Variants in ODC1 observed in about 807,000 individuals in gnomAD.
ODC1 encodes the protein ornithine decarboxylase.
A neutral mutation model predicts 41.5 loss-of-function variants in ODC1; 18 were observed. The ratio of observed to expected loss-of-function variants is 0.43; its 90% confidence interval spans 0.30 to 0.64. The LOEUF (loss-of-function observed/expected upper bound fraction) is 0.64, where lower values mean the gene tolerates loss of function less well. ODC1 is among the 30% of genes least tolerant of loss of function. The pLI is 0.11. For missense variants in ODC1, 504 were observed against 589.0 expected, an observed-to-expected ratio of 0.86 and a Z score of 1.49; for synonymous variants, 218 against 211.6, an observed-to-expected ratio of 1.03 and a Z score of -0.26.
Position 10,444,533 on chromosome 2 carries a change from T to C in ODC1, c.217A>G (p.Ser73Gly). ...GCAAGGGTCTTCACGATGGCTTTGC[T>C]ATCATTACATTTGACTGCATAAAAG... ...TPFYAVKCND[S>G]KAIVKTLAAT... The change falls in exon 4 of 12, where the codon AGC becomes GGC. Residue 73 changes from serine (S) to glycine (G), a missense_variant. Ser to Gly is a moderately conservative substitution (Grantham distance 56, BLOSUM62 0). Around this residue, in one of 3 missense-constraint regions of ODC1, gnomAD observed 447 missense variants for 524.4 expected, o/e 0.85. Coordinates refer to ENST00000234111, the MANE Select transcript of ODC1 (RefSeq NM_002539.3). The C allele has an allele frequency of 6.2e-7, 1 of 1,614,038 alleles. No homozygotes were observed. The highest frequency in any genetic ancestry group is 8.5e-7 in the Non-Finnish European group (1 of 1,179,986).
chr2:10,447,785 C>G (rs1466532970), intron 1 of ODC1: 1 of 152,326 alleles, frequency 6.6e-6, no homozygotes, highest in East Asian at 1.9e-4. Flanking sequence ...GCCAGGGCCT[C>G]CCCAACGGCT....
chr2:10,444,784 A>G, intron 3 of ODC1, 137 bp from the exon 4 acceptor site: 1 of 823,972 alleles, frequency 1.2e-6, no homozygotes, highest in South Asian at 1.7e-5. Context: ...TATCACCATT[A>G]TCACTATTAA....
intron 8 of ODC1, 40 bp from the exon 9 acceptor site, chr2:10,442,214 G>A (rs1163636427): frequency 1.3e-6 from 2 of 1,560,504 alleles, no homozygotes; most frequent in Non-Finnish European, 1.7e-6. Context: ...AGCCTTCATT[G>A]TGGGAAATTC....
chr2:10,441,593 A>G lies in ODC1; in HGVS notation c.1157T>C (p.Met386Thr), dbSNP rs762089446. 1.5e-5 allele frequency: 24 copies of G among 1,614,202 alleles called. No individual in the cohort carries two copies. The highest frequency in any genetic ancestry group is 2.0e-5 in the Non-Finnish European group (24 of 1,180,034). ...HVGDWMLFENMGAYTVAAAST... is the reference protein window; with the variant it reads ...HVGDWMLFENTGAYTVAAAST... Reference sequence around the variant, plus strand: ...GGCAGCAGCAACAGTGTAAGCGCCCATGTTTTCAAAGAGCATCCAATCACC... The same window carrying G: ...GGCAGCAGCAACAGTGTAAGCGCCCGTGTTTTCAAAGAGCATCCAATCACC... The change falls in exon 11 of 12, where the codon ATG becomes ACG. Residue 386 changes from methionine (M) to threonine (T), a missense_variant. Met to Thr is a moderately conservative substitution (Grantham distance 81, BLOSUM62 -1). Transcript: ENST00000234111.
At chr2:10,442,857 C>A (rs1432722770) in intron 8 of ODC1, among the ~76,000 whole-genome samples, 1 of 151,246 alleles carries the variant, frequency 6.6e-6, no homozygotes, top group Non-Finnish European at 1.5e-5. Context: ...ATTACAGGTG[C>A]CCGCCACCAC....
intron 4 of ODC1, 77 bp downstream of exon 4, chr2:10,444,395 AAC>A: frequency 6.6e-7 from 1 of 1,519,416 alleles, no homozygotes; most frequent in African/African-American, 1.4e-5. Flanking sequence ...TTGCCCAAAA[AAC>A]ACAACTTGTA....
chr2:10,446,624 C>T (rs1297179588), intron 1 of ODC1: 1 of 250,176 alleles, frequency 4.0e-6, no homozygotes, highest in Non-Finnish European at 7.9e-6. Context: ...ATTTTGCTTT[C>T]ATCAAATGTG....
At position 10,444,649 on chromosome 2, in the gene ODC1, T is replaced by C. The variant is rs758892802; in HGVS notation, c.103-2A>G. 6.2e-7 allele frequency: 1 copy of C among 1,610,402 alleles called. No homozygotes were observed. The highest frequency in any genetic ancestry group is 1.1e-5 in the South Asian group (1 of 90,320). ...CACATAGAAGGCATCCTTATCATCC[T>C]GAAACAAGAGTGGTCACAGGTGACT... On this transcript the variant is annotated splice_acceptor_variant, in intron 3 of 11. Transcript: ENST00000234111. LOFTEE classifies it high-confidence loss of function.
chr2:10,445,534 A>G (rs1671984151), intron 1 of ODC1, among the ~76,000 whole-genome samples: 1 of 152,262 alleles, frequency 6.6e-6, no homozygotes, highest in South Asian at 2.1e-4. Context: ...AAGTTTCAGA[A>G]GCTTATCTGC....
chr2:10,441,258 A>G (rs763060025), intron 11 of ODC1, among the ~76,000 whole-genome samples: 11 of 152,170 alleles, frequency 7.2e-5, no homozygotes, highest in Non-Finnish European at 1.5e-4. Flanking sequence ...AATTCAATGT[A>G]TTTCTAAAGC....
In ODC1 at chr2:10,443,725, T is replaced by C; in HGVS notation, c.561A>G (p.Leu187=). 1 of 1,614,216 alleles carries C rather than the reference T, an allele frequency of 6.2e-7. No homozygotes were observed. The highest frequency in any genetic ancestry group is 8.5e-7 in the Non-Finnish European group (1 of 1,180,040). ...SRLLLERAKE[L]NIDVVGVSFH... is the part of the protein sequence containing the mutation. ...ACCTGACACCAACAACATCGATATT[T>C]AGCTCTTTCGCCCGTTCCAAAAGGA... Residue 187 remains leucine (L), a synonymous_variant, in exon 6 of 12, where the codon CTA becomes CTG. Coordinates refer to ENST00000234111, the MANE Select transcript of ODC1 (RefSeq NM_002539.3).
chr2:10,445,189 T>A lies in ODC1; in HGVS notation c.-52A>T. 1.8e-6 allele frequency: 1 copy of A among 567,074 alleles called. No individual in the cohort carries two copies. Among genetic ancestry groups the A allele is most frequent in the Non-Finnish European group, 3.1e-6 (1 of 318,500 alleles). The allele number at this position is 567,074 out of a possible 1,614,324, so 35.1% of individuals were successfully genotyped here. The stretch of plus-strand genomic sequence containing the variant: ...TAAGAGATGGAATTGAAAGAAATAT[T>A]TCCAGCTTCTCACAAAGGCAACTCT... On this transcript the variant is annotated 5_prime_UTR_variant, in exon 2 of 12. Transcript: ENST00000234111.
chr2:10,446,520 G>A (rs563796718), intron 1 of ODC1, among the ~76,000 whole-genome samples: 3 of 152,248 alleles, frequency 2.0e-5, no homozygotes, highest in Admixed American at 6.5e-5. Context: ...AGTCACTCTC[G>A]TATTTGCTTA....
intron 4 of ODC1, 25 bp from the exon 5 acceptor site, chr2:10,444,292 C>T: frequency 1.3e-6 from 2 of 1,559,844 alleles, no homozygotes; most frequent in East Asian, 2.2e-5. Flanking sequence ...TGGTGTCATG[C>T]TATCCATATG....
In ODC1 at chr2:10,440,835, G is replaced by A. The variant is rs374601465; in HGVS notation, c.1275C>T (p.Phe425=). The A allele has an allele frequency of 6.2e-7, 1 of 1,614,016 alleles. No homozygotes were observed. The highest frequency in any genetic ancestry group is 8.5e-7 in the Non-Finnish European group (1 of 1,180,028). The change falls in exon 12 of 12, where the codon TTC becomes TTT. Residue 425 remains phenylalanine (F), a synonymous_variant. Coordinates refer to ENST00000234111, the MANE Select transcript of ODC1 (RefSeq NM_002539.3). ...CATCCTGTTCCTCTACTTCGGGTGG[G>A]AAGTCGGGGTTCTGGAATTGCTGCA... ...QLMQQFQNPD[F]PPEVEEQDAS... is the part of the protein sequence containing the mutation.
chr2:10,441,053 C>T (rs1671804265), intron 11 of ODC1, among the ~76,000 whole-genome samples, 185 bp from the exon 12 acceptor site: 1 of 152,172 alleles, frequency 6.6e-6, no homozygotes, highest in African/African-American at 2.4e-5. Flanking sequence ...ACCTCCCAGG[C>T]TCAAGCAAAC....
rs143860094 is a variant in ODC1, at chr2:10,443,274, C to G, written c.706G>C (p.Gly236Arg). ...GFSMYLLDIG[G>R]GFPGSEDVKL... ...ACATCCTCAGATCCAGGAAAGCCAC[C>G]GCCAATATCAAGCAGATACATGCTG... The change falls in exon 8 of 12, where the codon GGT becomes CGT. Residue 236 changes from glycine to arginine, a missense_variant. Gly to Arg is a moderately radical substitution (Grantham distance 125). Around this residue, in one of 3 missense-constraint regions of ODC1, gnomAD observed 447 missense variants for 524.4 expected, o/e 0.85. Transcript: ENST00000234111. 6.2e-7 allele frequency: 1 copy of G among 1,612,480 alleles called. No homozygotes were observed. Among genetic ancestry groups the G allele is most frequent in the South Asian group, 1.1e-5 (1 of 90,672 alleles).
At chr2:10,444,385 T>A in intron 4 of ODC1, 89 bp downstream of exon 4, 1 of 1,513,308 alleles carries the variant, frequency 6.6e-7, no homozygotes, top group East Asian at 2.3e-5. Context: ...TGAGCATTTA[T>A]TGCCCAAAAA....
intron 3 of ODC1, 30 bp from the exon 4 acceptor site, chr2:10,444,677 C>T (rs1419480803): frequency 3.1e-6 from 5 of 1,590,300 alleles, no homozygotes; most frequent in Non-Finnish European, 4.3e-6. Flanking sequence ...AGGTGACTCA[C>T]TAGCAGCCTC....
Sources: gnomAD v4.1 joint callset for allele counts (sites outside exome capture counted in the v4.1 genomes callset) on GRCh38, gnomAD v4.1.1 for gene constraint, gnomAD v4.1.1 regional missense constraint, MANE v1.5 for transcripts, NCBI Gene and HGNC (gene_info 2026-07-23, HGNC 2026-07-21) for gene names.